STARD13: variants seen among roughly 807,000 people sequenced by gnomAD.
STARD13 encodes stAR-related lipid transfer protein 13.
STARD13 carries 62 observed loss-of-function variants against 106.4 expected under a neutral mutation model. The observed-to-expected ratio is 0.58, with a 90% CI of 0.48 to 0.72. STARD13 has a LOEUF of 0.72. Ranked by LOEUF, STARD13 falls within the 30% of genes least tolerant of loss-of-function variation. The probability of loss-of-function intolerance (pLI) is 0.00; values close to 1 mark genes in which losing one functional copy is unlikely to be tolerated. For synonymous variants in STARD13, 565 were observed against 553.0 expected (o/e 1.02, Z -0.31); for missense variants, 1,387 against 1,424.0 (o/e 0.97, Z 0.42).
At chr13:33,349,041 A>G in exon 2 of STARD13, 1 of 687,402 alleles carries the variant, frequency 1.5e-6, no homozygotes. Flanking sequence ...AGGGCAGAAC[A>G]CCTAGCAAAC....
At chr13:33,449,698 G>A in the STARD13 span, among the ~76,000 whole-genome samples, 6 of 152,190 alleles carry the variant, frequency 3.9e-5, no homozygotes, top group South Asian at 1.2e-3. Context: ...TGAGTAGTAC[G>A]GACATTTTAA....
At chr13:33,308,658 G>T (rs1404533738) in intron 1 of STARD13, among the ~76,000 whole-genome samples, 1 of 151,254 alleles carries the variant, frequency 6.6e-6, no homozygotes, top group Non-Finnish European at 1.5e-5. Context: ...TGAGTAGCTG[G>T]TATTACAGGT....
the STARD13 span, among the ~76,000 whole-genome samples, chr13:33,627,591 C>T: frequency 2.0e-5 from 3 of 151,164 alleles, no homozygotes; most frequent in African/African-American, 4.9e-5. Flanking sequence ...GAGCTGAGAC[C>T]GTGTCACTGC....
At chr13:33,414,177 C>A in the STARD13 span, among the ~76,000 whole-genome samples, 40 of 152,192 alleles carry the variant, frequency 2.6e-4, no homozygotes, top group African/African-American at 8.7e-4. Flanking sequence ...AGAGAAGACA[C>A]TAAATTCTGA....
intron 1 of STARD13, among the ~76,000 whole-genome samples, chr13:33,323,907 G>A (rs1383031281): frequency 2.6e-5 from 4 of 152,108 alleles, no homozygotes; most frequent in Admixed American, 1.3e-4. Context: ...GAAACACACC[G>A]TCAGGATCTT....
At chr13:33,330,611 T>C (rs1039759663) in intron 1 of STARD13, among the ~76,000 whole-genome samples, 1 of 152,230 alleles carries the variant, frequency 6.6e-6, no homozygotes, top group Non-Finnish European at 1.5e-5. Context: ...AGATTTCTTT[T>C]CAAGAGGGTG....
the STARD13 span, among the ~76,000 whole-genome samples, chr13:33,505,075 A>G: frequency 6.6e-6 from 1 of 152,214 alleles, no homozygotes; most frequent in Non-Finnish European, 1.5e-5. Flanking sequence ...CTGTGAGTTT[A>G]CAACCCCGTG....
the STARD13 span, among the ~76,000 whole-genome samples, chr13:33,543,494 T>C: frequency 6.8e-6 from 1 of 147,926 alleles, no homozygotes; most frequent in African/African-American, 2.5e-5. Flanking sequence ...GTTCTTTTTT[T>C]CCTGTAATCT....
chr13:33,599,150 C>T, the STARD13 span, among the ~76,000 whole-genome samples: 1 of 152,188 alleles, frequency 6.6e-6, no homozygotes, highest in Admixed American at 6.5e-5. Context: ...CATCCTAACC[C>T]AAACCAAGTT....
the STARD13 span, among the ~76,000 whole-genome samples, chr13:33,671,527 C>T: frequency 6.6e-6 from 1 of 152,156 alleles, no homozygotes; most frequent in African/African-American, 2.4e-5. Context: ...GTCAGGAGTT[C>T]AAGACCGGCC....
At chr13:33,226,942 C>T (rs765304991) in intron 1 of STARD13, among the ~76,000 whole-genome samples, 5 of 152,160 alleles carry the variant, frequency 3.3e-5, no homozygotes, top group Non-Finnish European at 7.3e-5. Flanking sequence ...ACATTTCTCT[C>T]CATTAAACAT....
chr13:33,355,223 G>A (rs1326922993), upstream of STARD13: 3 of 151,984 alleles, frequency 2.0e-5, no homozygotes. Context: ...GCAATAAGCA[G>A]GACTTGCCAC....
upstream of STARD13, among the ~76,000 whole-genome samples, chr13:33,287,676 C>T (rs80059491): frequency 0.012 from 1,786 of 152,288 alleles, 31 homozygotes; most frequent in African/African-American, 0.04. Context: ...TCAGTCCGCA[C>T]CGGTGGCCGT....
chr13:33,602,913 C>T, the STARD13 span, among the ~76,000 whole-genome samples: 1 of 152,180 alleles, frequency 6.6e-6, no homozygotes, highest in Non-Finnish European at 1.5e-5. Flanking sequence ...GAAAAATTGT[C>T]TTCCACGAAA....
chr13:33,429,415 T>A, the STARD13 span, among the ~76,000 whole-genome samples: 5 of 151,894 alleles, frequency 3.3e-5, no homozygotes, highest in South Asian at 6.2e-4. Flanking sequence ...GCTAATACGG[T>A]GAAACCCCGG....
At chr13:33,362,546 T>C in the STARD13 span, among the ~76,000 whole-genome samples, 2 of 152,364 alleles carry the variant, frequency 1.3e-5, no homozygotes, top group East Asian at 1.9e-4. Context: ...ATTTTACTTG[T>C]GTAACCCTGG....
At position 33,110,700 on chromosome 13, in the gene STARD13, G is replaced by A. The variant is rs1274531982; in HGVS notation, c.2815C>T (p.Leu939Phe). Residue 939 changes from leucine (L) to phenylalanine (F), a missense_variant, in exon 11 of 14, where the codon CTT (leucine) becomes TTT (phenylalanine). Physicochemically the swap from Leu to Phe is conservative, Grantham distance 22 (BLOSUM62 0). Transcript: ENST00000336934. ...VTCSSTDNTD[L>F]AFKKVGDGNP... ...TCTGAGATTACCTTTTTGAAAGCAA[G>A]ATCTGTATTGTCCGTGCTGGAGCAC... 4 of 1,613,942 alleles carry A rather than the reference G, an allele frequency of 2.5e-6. No homozygotes were observed. The highest frequency in any genetic ancestry group is 3.4e-6 in the Non-Finnish European group (4 of 1,179,888).
chr13:33,551,568 CCTTTTTTTTTTT>C, the STARD13 span, among the ~76,000 whole-genome samples: 27 of 44,794 alleles, frequency 6.0e-4, 5 homozygotes, highest in African/African-American at 1.7e-3. Flanking sequence ...TTTGCTTTTC[CCTTTTTTTTTTT>C]TTTTTTTTTT....
the STARD13 span, among the ~76,000 whole-genome samples, chr13:33,457,762 A>C: frequency 6.6e-6 from 1 of 152,178 alleles, no homozygotes; most frequent in Non-Finnish European, 1.5e-5. Context: ...CTTTTACAAG[A>C]GTATTGATCC....
Sources: gnomAD v4.1 joint callset for allele counts (sites outside exome capture counted in the v4.1 genomes callset) on GRCh38, gnomAD v4.1.1 for gene constraint, MANE v1.5 for transcripts, NCBI Gene and HGNC (gene_info 2026-07-23, HGNC 2026-07-21) for gene names.